NCOA3: variants seen among roughly 807,000 people sequenced by gnomAD.
The protein encoded by NCOA3 is CBP-interacting protein.
Under a neutral mutation model 158.8 loss-of-function variants are expected in NCOA3, and 51 were observed. The ratio of observed to expected loss-of-function variants is 0.32; its 90% confidence interval spans 0.26 to 0.41. The LOEUF (loss-of-function observed/expected upper bound fraction) is 0.41. Among genes scored for constraint, NCOA3 ranks in the 10% least tolerant of loss-of-function variants. The pLI is 1.00. For synonymous variants in NCOA3, 537 were observed against 592.4 expected, an observed-to-expected ratio of 0.91 and a Z score of 1.36; for missense variants, 1,510 against 1,746.6, an observed-to-expected ratio of 0.86 and a Z score of 2.41.
rs755173294 is a variant in NCOA3 at position 47,542,009 on chromosome 20, G to GTT, written c.-99+40010_-99+40011dup. Among the ~76,000 whole-genome samples, 53 of 56,356 alleles carry GTT rather than the reference G, an allele frequency of 9.4e-4. 2 individuals carry two copies. Among genetic ancestry groups the GTT allele is most frequent in the South Asian group, 3.6e-3 (6 of 1,662 alleles). 37.0% of individuals were successfully genotyped at this position (56,356 alleles called of 152,430 possible). A position where few individuals can be genotyped will look rare whatever the true frequency, so the allele number is the denominator to read the frequency against. ...ATCAAATTATTTTTTGCCCTGTAGA[G>GTT]TTTTTTTTTTTTTTTTTTTTTGTTG... On this transcript the variant is annotated intron_variant, in intron 1 of 22. Transcript: ENST00000371998.
intron 1 of NCOA3, among the ~76,000 whole-genome samples, chr20:47,507,764 A>G (rs2084052113): frequency 6.6e-6 from 1 of 152,070 alleles, no homozygotes. Context: ...GATTACAGGC[A>G]TGTGCCACTA....
In NCOA3 at chr20:47,614,100, C is replaced by T. The variant is rs573839871; in HGVS notation, c.-19-8129C>T. On this transcript the variant is annotated intron_variant, in intron 2 of 22. Transcript: ENST00000371998. ...AAGCTCTTCCCTGCCTTCCCCTGTC[C>T]TTTACACACGTTATATTTGTCTTCA... Among the ~76,000 whole-genome samples the T allele has an allele frequency of 3.3e-5, 5 of 149,630 alleles. No homozygotes were observed. In the South Asian group the frequency reaches 1.1e-3, roughly 32 times the overall value.
chr20:47,513,745 AAAT>A (rs1184805867), intron 1 of NCOA3, among the ~76,000 whole-genome samples: 1,236 of 117,224 alleles, frequency 0.011, 20 homozygotes, highest in African/African-American at 0.035. Flanking sequence ...AAAAAAAAAA[AAAT>A]TATAAGCAAC....
At chr20:47,625,544 TA>T in intron 5 of NCOA3, 63 bp downstream of exon 5, 2 of 1,172,374 alleles carry the variant, frequency 1.7e-6, no homozygotes, top group Non-Finnish European at 1.2e-6. Context: ...TATAAAGTTA[TA>T]AAAAATCGAT....
In NCOA3 at chr20:47,656,816, G is replaced by A. The variant is rs751071676; in HGVS notation, c.*3399G>A. ...AATGACTTATGGGGGATGGTGAGCT[G>A]TGACTGCTTTGCTGACCATTTTGGA... On this transcript the variant is annotated 3_prime_UTR_variant, in exon 23 of 23. Coordinates refer to ENST00000371998, the MANE Select transcript of NCOA3 (RefSeq NM_181659.3). 2.6e-5 allele frequency: 4 copies of A among 151,260 alleles called. No homozygotes were observed. The highest frequency in any genetic ancestry group is 7.3e-5 in the African/African-American group (3 of 40,986). 9.4% of individuals were successfully genotyped at this position (151,260 alleles called of 1,614,324 possible). A position where few individuals can be genotyped will look rare whatever the true frequency, so the allele number is the denominator to read the frequency against.
At chr20:47,572,544 C>CTT (rs72662710) in intron 1 of NCOA3, among the ~76,000 whole-genome samples, 4 of 147,934 alleles carry the variant, frequency 2.7e-5, no homozygotes, top group African/African-American at 9.9e-5. Context: ...CCCCACCTGC[C>CTT]TTTTTTTTTT....
intron 1 of NCOA3, among the ~76,000 whole-genome samples, chr20:47,532,110 T>TTGTGTGTGTGTGTGTGTGTGTGTGTGTG (rs11474538): frequency 3.4e-5 from 5 of 147,512 alleles, no homozygotes; most frequent in African/African-American, 1.3e-4. Context: ...AGGGGGGGAC[T>TTGTGTGTGTGTGTGTGTGTGTGTGTGTG]TGTGTGTGTG....
chr20:47,633,700 T>G lies in NCOA3; in HGVS notation c.964+64T>G, dbSNP rs187015820. On this transcript the variant is annotated intron_variant, in intron 9 of 22. Transcript: ENST00000371998. Reference sequence around the variant, plus strand: ...TCTTTAGAGACAGGGCCTTGCTATCTTGCCCAGGCTGGACTCGAACTCCTG... The same window carrying G: ...TCTTTAGAGACAGGGCCTTGCTATCGTGCCCAGGCTGGACTCGAACTCCTG... The G allele has an allele frequency of 4.3e-5, 66 of 1,538,166 alleles. No individual in the cohort carries two copies. In the African/African-American group the frequency reaches 5.8e-4, roughly 14 times the overall value.
intron 22 of NCOA3, 57 bp from the exon 23 acceptor site, chr20:47,653,349 C>T (rs1602553615): frequency 6.4e-7 from 1 of 1,567,150 alleles, no homozygotes. Flanking sequence ...TTTTGTTGTG[C>T]AAAGCATGTG....
intron 1 of NCOA3, among the ~76,000 whole-genome samples, chr20:47,579,255 G>A (rs1043747311): frequency 3.9e-5 from 6 of 152,212 alleles, no homozygotes; most frequent in Admixed American, 3.3e-4. Flanking sequence ...ACAGGTGTGC[G>A]CTGCCATGCC....
At chr20:47,616,142 C>G (rs1223482075) in intron 2 of NCOA3, among the ~76,000 whole-genome samples, 1 of 139,546 alleles carries the variant, frequency 7.2e-6, no homozygotes, top group East Asian at 2.2e-4. Flanking sequence ...GCCCCCCGCC[C>G]CCACCCCCCG....
At chr20:47,568,490 G>A (rs1418987108) in intron 1 of NCOA3, among the ~76,000 whole-genome samples, 1 of 152,160 alleles carries the variant, frequency 6.6e-6, no homozygotes, top group Non-Finnish European at 1.5e-5. Context: ...AAGAAACAAT[G>A]TATATACCTT....
At chr20:47,568,492 A>G (rs2085236002) in intron 1 of NCOA3, among the ~76,000 whole-genome samples, 1 of 152,180 alleles carries the variant, frequency 6.6e-6, no homozygotes, top group African/African-American at 2.4e-5. Context: ...GAAACAATGT[A>G]TATACCTTAA....
Position 47,649,102 on chromosome 20 carries a change from G to A in NCOA3, c.3644G>A (p.Ser1215Asn). 6.2e-7 allele frequency: 1 copy of A among 1,611,514 alleles called. No homozygotes were observed. Among genetic ancestry groups the A allele is most frequent in the Non-Finnish European group, 8.5e-7 (1 of 1,178,210 alleles). ...VMRPMMQPQV[S>N]SQQGFLNAQM... ...AGGCCTATGATGCAGCCCCAGGTGA[G>A]CTCCCAGGTGAGGATGATAAGCCTC... Residue 1215 changes from serine (S) to asparagine (N), a missense_variant, in exon 19 of 23, where the codon AGC becomes AAC. This residue lies in a region of NCOA3 where 1,017 missense variants were observed against 1,098.3 expected (regional missense o/e 0.93). Coordinates refer to ENST00000371998, the MANE Select transcript of NCOA3 (RefSeq NM_181659.3).
chr20:47,639,143 C>T lies in NCOA3; in HGVS notation c.2648C>T (p.Pro883Leu). ...ISAFPMLPKQ[P>L]MLGGNPRMMD... ...GCTTTCCCCATGTTACCAAAGCAACCCATGTTGGGTGGGAATCCAAGAATG... is the reference window on the plus strand; with the variant it reads ...GCTTTCCCCATGTTACCAAAGCAACTCATGTTGGGTGGGAATCCAAGAATG... The change falls in exon 14 of 23, where the codon CCC becomes CTC. Residue 883 changes from proline (P) to leucine (L), a missense_variant. Physicochemically the swap from Pro to Leu is moderately conservative, Grantham distance 98. Around this residue, in one of 4 missense-constraint regions of NCOA3, gnomAD observed 1,017 missense variants for 1,098.3 expected, o/e 0.93. Transcript: ENST00000371998. 6.2e-7 allele frequency: 1 copy of T among 1,614,014 alleles called. No homozygotes were observed. The highest frequency in any genetic ancestry group is 1.3e-5 in the African/African-American group (1 of 74,978).
At chr20:47,600,455 C>A (rs1331009829) in intron 2 of NCOA3, among the ~76,000 whole-genome samples, 1 of 151,676 alleles carries the variant, frequency 6.6e-6, no homozygotes, top group Non-Finnish European at 1.5e-5. Flanking sequence ...GGATTTCAGG[C>A]GTGAGCCACC....
intron 16 of NCOA3, 101 bp downstream of exon 16, chr20:47,640,152 T>G (rs912565669): frequency 4.7e-6 from 7 of 1,498,638 alleles, no homozygotes; most frequent in Non-Finnish European, 5.5e-6. Flanking sequence ...GAGAATTCCC[T>G]ATAATTGAGG....
chr20:47,544,848 T>G (rs1470236156), intron 1 of NCOA3, among the ~76,000 whole-genome samples: 1 of 152,178 alleles, frequency 6.6e-6, no homozygotes, highest in African/African-American at 2.4e-5. Context: ...AAATATATAT[T>G]TAATGCCCAC....
At chr20:47,567,580 C>G (rs756760289) in intron 1 of NCOA3, among the ~76,000 whole-genome samples, 34 of 151,682 alleles carry the variant, frequency 2.2e-4, no homozygotes, top group Non-Finnish European at 1.9e-4. Context: ...TCTTTTCTTT[C>G]TTTTTTGAGA....
Sources: allele counts gnomAD v4.1 joint callset (sites outside exome capture counted in the v4.1 genomes callset), GRCh38; gene constraint gnomAD v4.1.1; regional missense constraint gnomAD v4.1.1; transcripts MANE v1.5; gene names NCBI Gene and HGNC (gene_info 2026-07-23, HGNC 2026-07-21).